Variants in ZNF718 observed in about 807,000 individuals in gnomAD.
The protein encoded by ZNF718 is zinc finger protein 718.
A neutral mutation model predicts 2.6 loss-of-function variants in ZNF718; 3 were observed. That is an observed-to-expected ratio of 1.16 (90% confidence interval 0.53 to 3.01). The LOEUF is 3.01. ZNF718 is among the 30% of genes most tolerant of loss of function. The pLI is 0.03. For missense variants in ZNF718, 468 were observed against 230.0 expected (o/e 2.03, Z -6.69); for synonymous variants, 135 against 77.9 (o/e 1.73, Z -3.86).
chr4:138,072 A>G (rs1553809656), intron 3 of ZNF718, among the ~76,000 whole-genome samples: 1 of 152,248 alleles, frequency 6.6e-6, no homozygotes. Flanking sequence ...TAGGCATGAA[A>G]TGCATAAAAA....
intron 1 of ZNF718, among the ~76,000 whole-genome samples, chr4:125,949 C>A (rs1560106681): frequency 1.3e-5 from 2 of 152,186 alleles, no homozygotes; most frequent in Non-Finnish European, 2.9e-5. Context: ...CCTTCTCCAA[C>A]CCAGGCTTCT....
chr4:158,950 T>C (rs925303281), intron 3 of ZNF718, among the ~76,000 whole-genome samples: 4 of 151,782 alleles, frequency 2.6e-5, no homozygotes, highest in African/African-American at 7.2e-5. Context: ...CATTTGGTTA[T>C]CTTGCAAGGT....
rs1716924389 is a variant in ZNF718 at position 162,241 on chromosome 4, G to A, written c.*119G>A. Reference sequence around the variant, plus strand: ...AAAGCTTTTAACCGCAACTCAATCTGTTCTAAACATAAGAGAAATGGTATT... The same window carrying A: ...AAAGCTTTTAACCGCAACTCAATCTATTCTAAACATAAGAGAAATGGTATT... On this transcript the variant is annotated 3_prime_UTR_variant, in exon 4 of 4. Coordinates refer to ENST00000510175, the MANE Select transcript of ZNF718 (RefSeq NM_001039127.6). The A allele has an allele frequency of 1.8e-6, 1 of 555,456 alleles. No individual in the cohort carries two copies. Among genetic ancestry groups the A allele is most frequent in the South Asian group, 3.0e-5 (1 of 33,696 alleles). The allele number at this position is 555,456 out of a possible 1,614,324, so 34.4% of individuals were successfully genotyped here. A position where few individuals can be genotyped will look rare whatever the true frequency, so the allele number is the denominator to read the frequency against.
chr4:178,141 A>ATTT (rs5855670), intron 3 of ZNF718, among the ~76,000 whole-genome samples: 3 of 143,214 alleles, frequency 2.1e-5, no homozygotes, highest in Non-Finnish European at 4.6e-5. Flanking sequence ...TGATAATTTC[A>ATTT]TTTTTTTTTT....
chr4:198,039 C>T (rs1717826919), intron 3 of ZNF718, among the ~76,000 whole-genome samples: 1 of 152,098 alleles, frequency 6.6e-6, no homozygotes, highest in South Asian at 2.1e-4. Context: ...TCCAACCCTC[C>T]TATCCCCACA....
chr4:195,191 G>A (rs926617301), intron 3 of ZNF718, among the ~76,000 whole-genome samples: 2 of 152,208 alleles, frequency 1.3e-5, no homozygotes, highest in South Asian at 2.1e-4. Context: ...TCATTTCAGA[G>A]AGGGTGTAGG....
intron 3 of ZNF718, among the ~76,000 whole-genome samples, chr4:139,308 A>T (rs1453475316): frequency 6.6e-6 from 1 of 152,202 alleles, no homozygotes; most frequent in African/African-American, 2.4e-5. Context: ...AGATGGCAAG[A>T]GATAGAGGTC....
At chr4:187,387 C>G (rs797026445) in intron 3 of ZNF718, among the ~76,000 whole-genome samples, 1 of 151,962 alleles carries the variant, frequency 6.6e-6, no homozygotes, top group Non-Finnish European at 1.5e-5. Flanking sequence ...CCACCACGCC[C>G]AGCTAATTTT....
Position 127,988 on chromosome 4 carries a change from CTTATA to C in ZNF718, c.4-2795_4-2791del, listed in dbSNP as rs1305319634. On this transcript the variant is annotated intron_variant, in intron 1 of 3. Transcript: ENST00000510175. Reference sequence around the variant, plus strand: ...AGCTTTGGCCCCAGAAAACTCTCTACTTATATTATGTTTATCCCAGTATTTCCTTT... The same window carrying C: ...AGCTTTGGCCCCAGAAAACTCTCTACTTATGTTTATCCCAGTATTTCCTTT... Among the ~76,000 whole-genome samples the C allele has an allele frequency of 5.7e-5, 6 of 104,624 alleles. 2 individuals carry two copies. The highest frequency in any genetic ancestry group is 1.1e-4 in the Non-Finnish European group (5 of 46,848). 68.6% of individuals were successfully genotyped at this position (104,624 alleles called of 152,430 possible). A position where few individuals can be genotyped will look rare whatever the true frequency, so the allele number is the denominator to read the frequency against.
At chr4:154,833 A>G (rs1716490400) in intron 3 of ZNF718, among the ~76,000 whole-genome samples, 2 of 152,220 alleles carry the variant, frequency 1.3e-5, no homozygotes, top group African/African-American at 4.8e-5. Flanking sequence ...CCAAATGTTA[A>G]TCACTAAGAC....
intron 3 of ZNF718, among the ~76,000 whole-genome samples, chr4:143,494 A>C (rs938863789): frequency 6.6e-6 from 1 of 152,202 alleles, no homozygotes; most frequent in East Asian, 1.9e-4. Context: ...CCAAGGGGGA[A>C]GTTTTTAAAC....
chr4:174,275 T>A (rs1163795335), intron 3 of ZNF718, among the ~76,000 whole-genome samples: 1 of 152,192 alleles, frequency 6.6e-6, no homozygotes, highest in African/African-American at 2.4e-5. Context: ...CCACCCTCTC[T>A]GGGAACGTTT....
At position 163,842 on chromosome 4, in the gene ZNF718, T is replaced by A. The variant is rs2108806783; in HGVS notation, c.*1720T>A. Reference sequence around the variant, plus strand: ...TGAAGAATATTGTTCTCATGTTAAATTTTTATTATTTTTTATATTTAAATT... The same window carrying A: ...TGAAGAATATTGTTCTCATGTTAAAATTTTATTATTTTTTATATTTAAATT... On this transcript the variant is annotated 3_prime_UTR_variant, in exon 4 of 4. Transcript: ENST00000510175. The A allele has an allele frequency of 6.6e-6, 1 of 152,038 alleles. No homozygotes were observed. Among genetic ancestry groups the A allele is most frequent in the African/African-American group, 2.4e-5 (1 of 41,558 alleles). The allele number at this position is 152,038 out of a possible 1,614,324, so 9.4% of individuals were successfully genotyped here.
intron 3 of ZNF718, among the ~76,000 whole-genome samples, chr4:147,875 A>G (rs1259436674): frequency 6.6e-6 from 1 of 152,102 alleles, no homozygotes; most frequent in Non-Finnish European, 1.5e-5. Flanking sequence ...CTCCAGGAAA[A>G]AAAACCCTCC....
At chr4:150,368 T>G (rs1347311671) in intron 3 of ZNF718, 1 of 152,172 alleles carries the variant, frequency 6.6e-6, no homozygotes, top group Non-Finnish European at 1.5e-5. Context: ...TTGGATACGA[T>G]GATGTAGTAC....
chr4:162,027 G>C lies in ZNF718; in HGVS notation c.1342G>C (p.Asp448His). 1 of 777,978 alleles carries C rather than the reference G, an allele frequency of 1.3e-6. No individual in the cohort carries two copies. The highest frequency in any genetic ancestry group is 2.4e-6 in the Non-Finnish European group (1 of 416,404). The allele number at this position is 777,978 out of a possible 1,614,324, so 48.2% of individuals were successfully genotyped here. ...LNKHKKIHTVDKPYKCKECGK... is the reference protein window; with the variant it reads ...LNKHKKIHTVHKPYKCKECGK... ...TAAACATAAGAAAATTCACACTGTAGATAAACCCTACAAATGTAAAGAATG... is the reference window on the plus strand; with the variant it reads ...TAAACATAAGAAAATTCACACTGTACATAAACCCTACAAATGTAAAGAATG... Residue 448 changes from aspartate (D) to histidine (H), a missense_variant, in exon 4 of 4, where the codon GAT becomes CAT. Transcript: ENST00000510175.
chr4:170,232 G>C (rs1717193413), intron 3 of ZNF718, among the ~76,000 whole-genome samples: 1 of 152,264 alleles, frequency 6.6e-6, no homozygotes, highest in East Asian at 1.9e-4. Flanking sequence ...TAGTCTGATG[G>C]GCTTCCCTTT....
Position 158,994 on chromosome 4 carries a change from C to T in ZNF718, c.227-1918C>T, listed in dbSNP as rs139440877. On this transcript the variant is annotated intron_variant, in intron 3 of 3. Coordinates refer to ENST00000510175, the MANE Select transcript of ZNF718 (RefSeq NM_001039127.6). ...TTTCTTCATTTTTAGGACAGTTTTGCTGGTTATATTAGTCCCACTTAGGAG... is the reference window on the plus strand; with the variant it reads ...TTTCTTCATTTTTAGGACAGTTTTGTTGGTTATATTAGTCCCACTTAGGAG... Among the ~76,000 whole-genome samples the T allele has an allele frequency of 1.2e-3, 177 of 145,768 alleles. 2 individuals carry two copies. Among genetic ancestry groups the T allele is most frequent in the Admixed American group, 5.3e-3 (77 of 14,602 alleles).
intron 3 of ZNF718, among the ~76,000 whole-genome samples, chr4:140,013 A>G (rs1231445596): frequency 1.3e-5 from 2 of 151,884 alleles, no homozygotes; most frequent in Non-Finnish European, 2.9e-5. Context: ...AGAAGGGGGA[A>G]TGACTTTTTT....
Sources: gnomAD v4.1 joint callset for allele counts (sites outside exome capture counted in the v4.1 genomes callset) on GRCh38, gnomAD v4.1.1 for gene constraint, MANE v1.5 for transcripts, NCBI Gene and HGNC (gene_info 2026-07-23, HGNC 2026-07-21) for gene names.